The following CACNA2D2 variants were observed in gnomAD, a reference collection of about 807,000 sequenced individuals.
The protein encoded by CACNA2D2 is calcium voltage-gated channel auxiliary subunit alpha2delta 2, also known as voltage-dependent calcium channel subunit alpha-2/delta-2.
In CACNA2D2, 48 loss-of-function variants were observed where a neutral mutation model predicts 166.4. The ratio of observed to expected loss-of-function variants is 0.29; its 90% CI spans 0.23 to 0.37. The LOEUF is 0.37. CACNA2D2 is among the 10% of genes least tolerant of loss of function. The pLI, the probability that CACNA2D2 is intolerant of heterozygous loss-of-function variation, is 1.00. For missense variants in CACNA2D2, 1,122 were observed against 1,433.0 expected, an observed-to-expected ratio of 0.78 and a Z score of 3.50; for synonymous variants, 561 against 573.7, an observed-to-expected ratio of 0.98 and a Z score of 0.32.
At chr3:50,410,284 C>T (rs1189520184) in intron 3 of CACNA2D2, among the ~76,000 whole-genome samples, 1 of 152,252 alleles carries the variant, frequency 6.6e-6, no homozygotes, top group African/African-American at 2.4e-5. Context: ...CCCAGGGCCA[C>T]TCTTGCATAG....
chr3:50,392,138 T>C (rs1270030421), intron 4 of CACNA2D2, among the ~76,000 whole-genome samples: 1 of 152,016 alleles, frequency 6.6e-6, no homozygotes, highest in East Asian at 1.9e-4. Context: ...ATTGGAAGGA[T>C]GTGGTTTCAG....
chr3:50,493,550 G>A (rs1205498489), intron 1 of CACNA2D2, among the ~76,000 whole-genome samples: 1 of 152,196 alleles, frequency 6.6e-6, no homozygotes, highest in Non-Finnish European at 1.5e-5. Flanking sequence ...CTGAGCACAG[G>A]TGACCACTTG....
At position 50,375,520 on chromosome 3, in the gene CACNA2D2, G is replaced by T; in HGVS notation, c.1907+124C>A. 1.0e-6 allele frequency: 1 copy of T among 979,850 alleles called. No individual in the cohort carries two copies. The highest frequency in any genetic ancestry group is 1.5e-5 in the South Asian group (1 of 68,018). 60.7% of individuals were successfully genotyped at this position (979,850 alleles called of 1,614,324 possible). A position where few individuals can be genotyped will look rare whatever the true frequency, so the allele number is the denominator to read the frequency against. On this transcript the variant is annotated intron_variant, in intron 21 of 37. Transcript: ENST00000424201. The surrounding 1 kb of genome is among the most constrained non-coding windows in gnomAD (Gnocchi z 4.0). ...GACTAAGCATCTCAGGGTGAGTAGT[G>T]AGCAGCCCTGGCCACTGGTGCCCCA...
At chr3:50,413,735 T>C (rs1439088909) in intron 3 of CACNA2D2, among the ~76,000 whole-genome samples, 1 of 152,082 alleles carries the variant, frequency 6.6e-6, no homozygotes, top group African/African-American at 2.4e-5. Context: ...TAATCCCAGT[T>C]ACTTGGGAGG....
chr3:50,426,967 G>C (rs1707833801), intron 3 of CACNA2D2, among the ~76,000 whole-genome samples: 1 of 152,210 alleles, frequency 6.6e-6, no homozygotes, highest in Non-Finnish European at 1.5e-5. Flanking sequence ...CTCCCAGCTG[G>C]AGGCCTTCAA....
At chr3:50,428,582 T>TC (rs1707909580) in intron 3 of CACNA2D2, among the ~76,000 whole-genome samples, 2 of 152,184 alleles carry the variant, frequency 1.3e-5, no homozygotes, top group Non-Finnish European at 2.9e-5. Flanking sequence ...TGATGCTCAT[T>TC]CCCCAGAGAG....
At chr3:50,473,983 T>TCTGC (rs369356407) in intron 2 of CACNA2D2, among the ~76,000 whole-genome samples, 1 of 152,216 alleles carries the variant, frequency 6.6e-6, no homozygotes, top group Non-Finnish European at 1.5e-5. Context: ...TCAGCACTTC[T>TCTGC]CTGCCTGCCT....
intron 3 of CACNA2D2, among the ~76,000 whole-genome samples, chr3:50,397,304 A>C (rs966719601): frequency 1.3e-5 from 2 of 152,242 alleles, no homozygotes; most frequent in African/African-American, 4.8e-5. Context: ...GTTACAGATC[A>C]ATCAGTCCAT....
intron 2 of CACNA2D2, among the ~76,000 whole-genome samples, chr3:50,440,588 G>C (rs1304580065): frequency 6.6e-6 from 1 of 152,240 alleles, no homozygotes; most frequent in African/African-American, 2.4e-5. Flanking sequence ...CACAGAACCA[G>C]GCCATTACAA....
intron 5 of CACNA2D2, 28 bp from the exon 6 acceptor site, chr3:50,384,365 T>C: frequency 2.5e-6 from 4 of 1,610,614 alleles, no homozygotes; most frequent in Non-Finnish European, 3.4e-6. Context: ...CCGAGCAATG[T>C]CAGGGCTGGA....
chr3:50,452,096 C>T (rs888191955), intron 2 of CACNA2D2, among the ~76,000 whole-genome samples: 6 of 152,208 alleles, frequency 3.9e-5, no homozygotes, highest in African/African-American at 9.7e-5. Context: ...GGCTGTACCC[C>T]GAGCAGATGT....
chr3:50,394,284 T>C lies in CACNA2D2; in HGVS notation c.406-116A>G, dbSNP rs1212474025. The stretch of plus-strand genomic sequence containing the variant: ...GGGCCAGGCTGGACTGGTGACTCCC[T>C]TCCCCTCATCCTACGAGACCCTCAG... On this transcript the variant is annotated intron_variant, in intron 3 of 37. Transcript: ENST00000424201. The C allele has an allele frequency of 3.8e-6, 3 of 796,750 alleles. No individual in the cohort carries two copies. In the East Asian group the frequency reaches 7.8e-5, roughly 21 times the overall value. 49.4% of individuals were successfully genotyped at this position (796,750 alleles called of 1,614,324 possible).
At chr3:50,498,233 T>A (rs1408625047) in intron 1 of CACNA2D2, among the ~76,000 whole-genome samples, 1 of 152,058 alleles carries the variant, frequency 6.6e-6, no homozygotes, top group Non-Finnish European at 1.5e-5. Flanking sequence ...CTTGGAGAGT[T>A]CCCTAGCAAC....
chr3:50,388,282 T>C (rs587763504), intron 4 of CACNA2D2, among the ~76,000 whole-genome samples: 19 of 152,324 alleles, frequency 1.2e-4, no homozygotes, highest in African/African-American at 4.6e-4. Context: ...TAATTTCATG[T>C]GTAATGATCT....
intron 22 of CACNA2D2, chr3:50,372,956 C>A (rs1454431007): frequency 6.2e-6 from 5 of 807,194 alleles, no homozygotes; most frequent in Non-Finnish European, 1.0e-5. Context: ...TGGGAGGGGG[C>A]CCTGGAGAGC....
chr3:50,434,557 C>T (rs1279857428), intron 2 of CACNA2D2, 128 bp from the exon 3 acceptor site: 6 of 726,020 alleles, frequency 8.3e-6, no homozygotes, highest in Non-Finnish European at 1.4e-5. Flanking sequence ...TGTCTTTGGC[C>T]TCTGAGAGAG....
intron 3 of CACNA2D2, among the ~76,000 whole-genome samples, chr3:50,400,304 C>A (rs1292422410): frequency 1.3e-5 from 2 of 152,230 alleles, no homozygotes; most frequent in African/African-American, 4.8e-5. Flanking sequence ...GCTGCTTCGG[C>A]CTTGAGCAGA....
chr3:50,451,750 G>A (rs1709114508), intron 2 of CACNA2D2, among the ~76,000 whole-genome samples: 1 of 152,150 alleles, frequency 6.6e-6, no homozygotes, highest in African/African-American at 2.4e-5. Flanking sequence ...CACCTGGATG[G>A]TGACTGGAAC....
chr3:50,492,254 C>G (rs1251274843), intron 1 of CACNA2D2, among the ~76,000 whole-genome samples: 2 of 152,264 alleles, frequency 1.3e-5, no homozygotes, highest in East Asian at 3.8e-4. Flanking sequence ...GGACATGCCC[C>G]TCTGGCCATC....
Sources: gnomAD v4.1 joint callset for allele counts (sites outside exome capture counted in the v4.1 genomes callset) on GRCh38, gnomAD v4.1.1 for gene constraint, Gnocchi (gnomAD v3.1) non-coding constraint, MANE v1.5 for transcripts, NCBI Gene and HGNC (gene_info 2026-07-23, HGNC 2026-07-21) for gene names.